The following ZNF462 variants were observed in gnomAD, a reference collection of about 807,000 sequenced individuals.
The protein encoded by ZNF462 is zinc finger protein 462.
Under a neutral mutation model 201.9 loss-of-function variants are expected in ZNF462, and 10 were observed. That is an observed-to-expected ratio of 0.05 (90% CI 0.03 to 0.08). The LOEUF (loss-of-function observed/expected upper bound fraction) is 0.08. ZNF462 is among the 10% of genes least tolerant of loss of function. The pLI, the probability that ZNF462 is intolerant of heterozygous loss-of-function variation, is 1.00. For synonymous variants in ZNF462, 1,227 were observed against 1,193.3 expected (o/e 1.03, Z -0.58); for missense variants, 2,523 against 3,168.3 (o/e 0.80, Z 4.89).
intron 7 of ZNF462, among the ~76,000 whole-genome samples, chr9:106,943,813 C>T (rs1830990694): frequency 1.3e-5 from 2 of 152,032 alleles, no homozygotes; most frequent in South Asian, 4.1e-4. Flanking sequence ...TGTACTGGGT[C>T]CTCAAATACA....
chr9:106,982,245 G>T (rs1016345445), intron 9 of ZNF462, among the ~76,000 whole-genome samples: 3 of 152,168 alleles, frequency 2.0e-5, no homozygotes, highest in Admixed American at 2.0e-4. Context: ...CCTCCCCAGA[G>T]TGTGTTAGTC....
Position 106,972,331 on chromosome 9 carries a change from A to G in ZNF462, c.6695+59A>G. On this transcript the variant is annotated intron_variant, in intron 8 of 12. Transcript: ENST00000277225. This position sits in a 1 kb window ranked among gnomAD's most constrained non-coding sequence, Gnocchi z 4.8. ...GGCGGCCGCCCCTGCTCCACCCCTC[A>G]CTGCAGGCTTCCCTTACACTTTCCT... The G allele has an allele frequency of 6.4e-7, 1 of 1,564,002 alleles. No individual in the cohort carries two copies. The highest frequency in any genetic ancestry group is 8.7e-7 in the Non-Finnish European group (1 of 1,155,008).
intron 1 of ZNF462, among the ~76,000 whole-genome samples, chr9:106,864,092 CTCTCTCTCTCTCT>C (rs1827204172): frequency 7.6e-6 from 1 of 131,104 alleles, no homozygotes; most frequent in African/African-American, 2.9e-5. Flanking sequence ...CTCTCTCTCT[CTCTCTCTCTCTCT>C]CTCTCCCTCT....
intron 1 of ZNF462, among the ~76,000 whole-genome samples, chr9:106,906,975 T>G (rs185394832): frequency 6.6e-6 from 1 of 152,322 alleles, no homozygotes; most frequent in Non-Finnish European, 1.5e-5. Context: ...TTACTTTAAT[T>G]TTTCTAATGT....
chr9:106,939,464 G>C (rs553357045), intron 7 of ZNF462, among the ~76,000 whole-genome samples: 54 of 152,284 alleles, frequency 3.5e-4, no homozygotes, highest in African/African-American at 1.3e-3. Context: ...ATCCTGTCTT[G>C]TTCTAAAAAT....
In ZNF462 at chr9:107,012,715, T is replaced by TTG. The variant is rs1404934623; in HGVS notation, c.*1686_*1687insGT. On this transcript the variant is annotated 3_prime_UTR_variant, in exon 13 of 13. Coordinates refer to ENST00000277225, the MANE Select transcript of ZNF462 (RefSeq NM_021224.6). ...TGTGAATCCTTTGGTTTTCATGTTT[T>TTG]TTTTTTTTTTTTTTTACTTGGAAGG... 255 of 136,514 alleles carry TTG rather than the reference T, an allele frequency of 1.9e-3. No individual in the cohort carries two copies. The highest frequency in any genetic ancestry group is 7.7e-3 in the African/African-American group (250 of 32,376). 8.5% of individuals were successfully genotyped at this position (136,514 alleles called of 1,614,324 possible).
At chr9:106,986,549 G>C (rs116461154) in intron 10 of ZNF462, among the ~76,000 whole-genome samples, 3,297 of 152,228 alleles carry the variant, frequency 0.022, 114 homozygotes, top group African/African-American at 0.075. Flanking sequence ...TGGCAGCTGT[G>C]TTCCCAAAGA....
At chr9:106,878,433 A>G (rs1176538736) in intron 1 of ZNF462, among the ~76,000 whole-genome samples, 3 of 152,196 alleles carry the variant, frequency 2.0e-5, no homozygotes, top group African/African-American at 7.2e-5. Context: ...AGTTGGAAAT[A>G]ATTTAGTGTC....
chr9:106,931,484 T>C (rs73522978), intron 4 of ZNF462, among the ~76,000 whole-genome samples: 100 of 152,370 alleles, frequency 6.6e-4, no homozygotes, highest in African/African-American at 2.1e-3. Flanking sequence ...ACATCCTATT[T>C]TGCCAATTTA....
At chr9:106,861,423 C>T (rs1827063774), upstream of ZNF462, among the ~76,000 whole-genome samples, 1 of 152,132 alleles carries the variant, frequency 6.6e-6, no homozygotes, top group African/African-American at 2.4e-5. Context: ...ACAGACTTGC[C>T]CAGGATCCTT....
Position 106,928,920 on chromosome 9 carries a change from T to C in ZNF462, c.5008T>C (p.Ser1670Pro). 6.2e-7 allele frequency: 1 copy of C among 1,613,930 alleles called. No individual in the cohort carries two copies. Among genetic ancestry groups the C allele is most frequent in the South Asian group, 1.1e-5 (1 of 91,072 alleles). Residue 1670 changes from serine (S) to proline (P), a missense_variant, in exon 3 of 13, where the codon TCC (serine) becomes CCC (proline). Coordinates refer to ENST00000277225, the MANE Select transcript of ZNF462 (RefSeq NM_021224.6). This position sits in a 1 kb window ranked among gnomAD's most constrained non-coding sequence, Gnocchi z 9.3. ...GTGCCAGCTCTGCAAGTACTTCTGC[T>C]CCACGAGGAAGGGGATCGCCAGGCA... ...FRCQLCKYFC[S>P]TRKGIARHYR...
At chr9:106,908,559 A>G (rs1259477730) in intron 1 of ZNF462, among the ~76,000 whole-genome samples, 1 of 151,998 alleles carries the variant, frequency 6.6e-6, no homozygotes, top group East Asian at 1.9e-4. Context: ...TCTCTTACAG[A>G]CAGAATCCAG....
At position 106,933,923 on chromosome 9, in the gene ZNF462, A is replaced by C. The variant is rs1443146570; in HGVS notation, c.6116+1374A>C. Among the ~76,000 whole-genome samples, 1 of 152,184 alleles carries C rather than the reference A, an allele frequency of 6.6e-6. No individual in the cohort carries two copies. The highest frequency in any genetic ancestry group is 1.5e-5 in the Non-Finnish European group (1 of 68,042). The stretch of plus-strand genomic sequence containing the variant: ...TCAGTTTGACTAATCCTTAAGTTAC[A>C]TGTAAAGGAATAGTGAAAGATAAGG... On this transcript the variant is annotated intron_variant, in intron 5 of 12. Transcript: ENST00000277225. The surrounding 1 kb of genome is among the most constrained non-coding windows in gnomAD (Gnocchi z 4.3).
intron 1 of ZNF462, among the ~76,000 whole-genome samples, chr9:106,864,127 G>A (rs1827216266): frequency 7.5e-6 from 1 of 133,974 alleles, no homozygotes; most frequent in East Asian, 2.3e-4. Context: ...CCCGAAGTTG[G>A]GATGCGGGGT....
intron 5 of ZNF462, among the ~76,000 whole-genome samples, chr9:106,934,721 T>A (rs10978679): frequency 0.063 from 9,629 of 152,250 alleles, 359 homozygotes; most frequent in Non-Finnish European, 0.087. Context: ...GGAATTTAGT[T>A]CTCTGGAGTG....
chr9:106,919,172 G>C lies in ZNF462; in HGVS notation c.-30-4182G>C, dbSNP rs1427496259. 1.3e-5 allele frequency among the ~76,000 whole-genome samples: 2 copies of C among 152,230 alleles called. No homozygotes were observed. On this transcript the variant is annotated intron_variant, in intron 1 of 12. Transcript: ENST00000277225. This position sits in a 1 kb window ranked among gnomAD's most constrained non-coding sequence, Gnocchi z 4.5. ...ACTTCCTGAAGAGAGCTGGGATTTT[G>C]ACTTGAGGACCACATTTATGCTCCT...
intron 8 of ZNF462, among the ~76,000 whole-genome samples, chr9:106,973,812 CTT>C (rs1232629276): frequency 6.6e-6 from 1 of 151,810 alleles, no homozygotes; most frequent in South Asian, 2.1e-4. Context: ...AAAATAGTTC[CTT>C]TTTTGGGATT....
chr9:106,927,641 G>A lies in ZNF462; in HGVS notation c.3729G>A (p.Lys1243=). 6.2e-7 allele frequency: 1 copy of A among 1,613,968 alleles called. No individual in the cohort carries two copies. The highest frequency in any genetic ancestry group is 8.5e-7 in the Non-Finnish European group (1 of 1,180,022). The change falls in exon 3 of 13, where the codon AAG becomes AAA. Residue 1243 remains lysine, a synonymous_variant. Transcript: ENST00000277225. ...GCCTCTGCGACCGAAATCAGAAGAA[G>A]CCTGCCAGCTGCGTGCTTGTCTCCC... is the stretch of plus-strand genomic sequence containing the variant. ...IRSLCDRNQK[K]PASCVLVSPS...
Position 106,924,021 on chromosome 9 carries a change from C to T in ZNF462, c.221-112C>T, listed in dbSNP as rs1273946911. On this transcript the variant is annotated intron_variant, in intron 2 of 12. Coordinates refer to ENST00000277225, the MANE Select transcript of ZNF462 (RefSeq NM_021224.6). The surrounding 1 kb of genome is among the most constrained non-coding windows in gnomAD (Gnocchi z 6.2). ...CAAGGCCTCATCTTGAGACTTCAGG[C>T]CTTTTGCATGTGATGTTTAGTAATG... 3.3e-6 allele frequency: 3 copies of T among 902,324 alleles called. No homozygotes were observed. In the African/African-American group the frequency reaches 5.1e-5, roughly 15 times the overall value. 55.9% of individuals were successfully genotyped at this position (902,324 alleles called of 1,614,324 possible).
Sources: allele counts gnomAD v4.1 joint callset (sites outside exome capture counted in the v4.1 genomes callset), GRCh38; gene constraint gnomAD v4.1.1; non-coding constraint Gnocchi (gnomAD v3.1); transcripts MANE v1.5; gene names NCBI Gene and HGNC (gene_info 2026-07-23, HGNC 2026-07-21).